Variants in ROBO2 observed in about 807,000 individuals in gnomAD.
ROBO2 encodes the protein roundabout homolog 2.
A neutral mutation model predicts 160.8 loss-of-function variants in ROBO2; 53 were observed. The ratio of observed to expected loss-of-function variants is 0.33; its 90% CI spans 0.26 to 0.41. The LOEUF is 0.41. Ranked by LOEUF, ROBO2 falls within the 10% of genes least tolerant of loss-of-function variation. ROBO2 has a pLI of 1.00. For synonymous variants in ROBO2, 664 were observed against 611.7 expected (o/e 1.09, Z -1.26); for missense variants, 1,577 against 1,722.4 (o/e 0.92, Z 1.49).
intron 2 of ROBO2, among the ~76,000 whole-genome samples, chr3:76,436,096 C>CCTTT (rs1434122828): frequency 1.3e-5 from 2 of 150,834 alleles, no homozygotes; most frequent in African/African-American, 2.4e-5. Flanking sequence ...AGTCTTGGAC[C>CCTTT]CTTTCTTTCT....
intron 2 of ROBO2, among the ~76,000 whole-genome samples, chr3:77,252,854 A>ATATATATATATATAT (rs2090540016): frequency 1.5e-5 from 2 of 129,080 alleles, no homozygotes; most frequent in African/African-American, 2.7e-5. Flanking sequence ...ATATATATGA[A>ATATATATATATATAT]AAATAAACAG....
chr3:76,556,105 A>C (rs141267615), intron 2 of ROBO2, among the ~76,000 whole-genome samples: 1 of 152,292 alleles, frequency 6.6e-6, no homozygotes, highest in Admixed American at 6.5e-5. Flanking sequence ...ATCTCCAAAA[A>C]ATAAAAAATA....
rs556492400 is a variant in ROBO2, at chr3:76,399,396, T to A, written c.109+461794T>A. ...CTATTGTACACATAGGACTGCAGAG[T>A]TTAAATGCCCTGCCTAAATGTTAAA... On this transcript the variant is annotated intron_variant, in intron 2 of 26. Transcript: ENST00000487694. Among the ~76,000 whole-genome samples the A allele has an allele frequency of 2.6e-4, 39 of 151,542 alleles. 1 individual carries two copies. The highest frequency in any genetic ancestry group is 9.4e-4 in the African/African-American group (39 of 41,418).
intron 2 of ROBO2, among the ~76,000 whole-genome samples, chr3:77,129,269 G>A (rs924455744): frequency 5.3e-5 from 8 of 152,066 alleles, no homozygotes; most frequent in African/African-American, 1.9e-4. Context: ...TGTACACATT[G>A]TGCAATGACT....
At chr3:76,738,107 C>T (rs2093743996) in intron 2 of ROBO2, among the ~76,000 whole-genome samples, 1 of 151,768 alleles carries the variant, frequency 6.6e-6, no homozygotes. Flanking sequence ...GCACTCCAGC[C>T]CAGGTGACAC....
At chr3:76,495,273 C>T (rs1015326282) in intron 2 of ROBO2, among the ~76,000 whole-genome samples, 2 of 150,382 alleles carry the variant, frequency 1.3e-5, no homozygotes, top group Non-Finnish European at 3.0e-5. Flanking sequence ...ATGTAATAGC[C>T]CTCCAACTGC....
intron 2 of ROBO2, among the ~76,000 whole-genome samples, chr3:77,291,469 C>G (rs539124700): frequency 6.8e-6 from 1 of 146,516 alleles, no homozygotes; most frequent in African/African-American, 2.6e-5. Context: ...GATGGTTAAA[C>G]GGGTAGGCTG....
At chr3:76,599,284 C>T (rs2086944714) in intron 2 of ROBO2, among the ~76,000 whole-genome samples, 2 of 152,088 alleles carry the variant, frequency 1.3e-5, no homozygotes, top group Non-Finnish European at 2.9e-5. Flanking sequence ...TTCATGTGTT[C>T]TCATCATTTA....
rs554685552 is a variant in ROBO2, at chr3:77,370,143, G to T, written c.389-107271G>T. ...ACAAAAGTGTGATGGTTTGAAAAAG[G>T]CACAAAAAGGGGAACGAAAATTTAA... is the stretch of plus-strand genomic sequence containing the variant. On this transcript the variant is annotated intron_variant, in intron 2 of 25. Coordinates refer to ENST00000461745, the Ensembl canonical transcript of ROBO2. 6.6e-5 allele frequency among the ~76,000 whole-genome samples: 10 copies of T among 152,286 alleles called. No individual in the cohort carries two copies. The South Asian group carries it at 2.1e-3, about 32-fold the overall frequency.
intron 2 of ROBO2, among the ~76,000 whole-genome samples, chr3:76,961,263 A>C (rs75645951): frequency 0.013 from 1,939 of 151,786 alleles, 18 homozygotes; most frequent in Middle Eastern, 0.031. Flanking sequence ...AAAAAAAAAA[A>C]AAAAACACTA....
chr3:77,574,597 A>T, exon 14 of ROBO2: 1 of 1,613,494 alleles, frequency 6.2e-7, no homozygotes, highest in Non-Finnish European at 8.5e-7. Context: ...TAGATGCCAA[A>T]GTCCCGACTG....
intron 1 of ROBO2, among the ~76,000 whole-genome samples, chr3:77,051,032 A>G (rs1038219224): frequency 2.6e-5 from 4 of 151,418 alleles, no homozygotes; most frequent in Non-Finnish European, 4.4e-5. Context: ...AAAAAAAAAA[A>G]AATTCATCAA....
intron 2 of ROBO2, among the ~76,000 whole-genome samples, chr3:76,766,231 C>T (rs569728287): frequency 1.8e-4 from 27 of 151,626 alleles, no homozygotes; most frequent in Non-Finnish European, 3.5e-4. Context: ...TTTGCGTACA[C>T]TCCTACCTCT....
chr3:75,907,432 AAT>A (rs1946395084), intron 1 of ROBO2, among the ~76,000 whole-genome samples: 1 of 152,026 alleles, frequency 6.6e-6, no homozygotes, highest in Non-Finnish European at 1.5e-5. Context: ...CTTTCCACCT[AAT>A]TTACCAGGGG....
At chr3:77,438,489 AG>A (rs2079556668) in intron 2 of ROBO2, among the ~76,000 whole-genome samples, 1 of 151,686 alleles carries the variant, frequency 6.6e-6, no homozygotes, top group African/African-American at 2.4e-5. Context: ...CAGACTGTTT[AG>A]GGTGAAAAGT....
chr3:76,926,349 A>C (rs1222891957), intron 2 of ROBO2, among the ~76,000 whole-genome samples: 1 of 152,202 alleles, frequency 6.6e-6, no homozygotes, highest in Non-Finnish European at 1.5e-5. Context: ...TCCAGGAACT[A>C]ATTATAGAAA....
chr3:77,245,623 G>T (rs1256156497), intron 2 of ROBO2, among the ~76,000 whole-genome samples: 1 of 152,206 alleles, frequency 6.6e-6, no homozygotes, highest in Non-Finnish European at 1.5e-5. Flanking sequence ...GGATGAAGCT[G>T]TGTGGATACA....
intron 2 of ROBO2, among the ~76,000 whole-genome samples, chr3:76,272,678 T>TA (rs1707511950): frequency 1.6e-5 from 1 of 61,750 alleles, no homozygotes; most frequent in Non-Finnish European, 4.3e-5. Flanking sequence ...CATACACATA[T>TA]AAATATATAT....
At position 75,920,911 on chromosome 3, in the gene ROBO2, A is replaced by T. The variant is rs563604879; in HGVS notation, c.-14+13951A>T. ...AATATTCCTTCATCCCTTTATTTTG[A>T]GCCTATGTGTGTCCTTGCAAGTGAG... On this transcript the variant is annotated intron_variant, in intron 1 of 26. Transcript: ENST00000487694. Among the ~76,000 whole-genome samples the T allele has an allele frequency of 2.5e-4, 37 of 148,988 alleles. No individual in the cohort carries two copies. In the South Asian group the frequency reaches 7.4e-3, roughly 30 times the overall value.
Sources: gnomAD v4.1 joint callset for allele counts (sites outside exome capture counted in the v4.1 genomes callset) on GRCh38, gnomAD v4.1.1 for gene constraint, MANE v1.5 for transcripts, NCBI Gene and HGNC (gene_info 2026-07-23, HGNC 2026-07-21) for gene names.